MGAT4A: variants seen among roughly 807,000 people sequenced by gnomAD.
MGAT4A encodes the protein N-acetylglucosaminyltransferase IVa.
In MGAT4A, 33 loss-of-function variants were observed where a neutral mutation model predicts 74.1. That is an observed-to-expected ratio of 0.45 (90% CI 0.34 to 0.60). The LOEUF (loss-of-function observed/expected upper bound fraction) is 0.60, where lower values mean the gene tolerates loss of function less well. MGAT4A is among the 20% of genes least tolerant of loss of function. The probability of loss-of-function intolerance (pLI) is 0.02; values close to 1 mark genes in which losing one functional copy is unlikely to be tolerated. For missense variants in MGAT4A, 479 were observed against 628.3 expected (o/e 0.76, Z 2.54); for synonymous variants, 198 against 210.4 (o/e 0.94, Z 0.51).
chr2:98,644,293 C>G (rs921303670), intron 9 of MGAT4A, among the ~76,000 whole-genome samples: 4 of 152,186 alleles, frequency 2.6e-5, no homozygotes, highest in African/African-American at 9.7e-5. Context: ...CTATAATAAT[C>G]TATCGTATAC....
At chr2:98,691,851 T>C (rs1702199204) in intron 2 of MGAT4A, among the ~76,000 whole-genome samples, 3 of 152,172 alleles carry the variant, frequency 2.0e-5, no homozygotes, top group African/African-American at 7.2e-5. Context: ...GGTGGAAGAC[T>C]AGGAAACTGA....
Position 98,641,747 on chromosome 2 carries a change from C to A in MGAT4A, c.1021-1519G>T, listed in dbSNP as rs189673081. Among the ~76,000 whole-genome samples the A allele has an allele frequency of 2.5e-3, 384 of 151,924 alleles. 2 individuals are homozygous for A. Among genetic ancestry groups the A allele is most frequent in the African/African-American group, 8.6e-3 (357 of 41,446 alleles). On this transcript the variant is annotated intron_variant, in intron 10 of 15. Coordinates refer to ENST00000393487, the MANE Select transcript of MGAT4A (RefSeq NM_012214.3). ...TGGTGGCTCACGTCTGTAATCCTAGCACTTTGGGAGGCTGAGGTTGGGGGA... is the reference window on the plus strand; with the variant it reads ...TGGTGGCTCACGTCTGTAATCCTAGAACTTTGGGAGGCTGAGGTTGGGGGA...
intron 4 of MGAT4A, among the ~76,000 whole-genome samples, chr2:98,674,427 T>A (rs2104285362): frequency 6.6e-6 from 1 of 152,224 alleles, no homozygotes; most frequent in South Asian, 2.1e-4. Flanking sequence ...CTCTGTGGAG[T>A]GTACTTTGGT....
At chr2:98,671,521 C>T (rs1701910169) in intron 4 of MGAT4A, among the ~76,000 whole-genome samples, 1 of 151,316 alleles carries the variant, frequency 6.6e-6, no homozygotes. Flanking sequence ...CACTTCCTCA[C>T]TCTACACGTA....
intron 14 of MGAT4A, among the ~76,000 whole-genome samples, chr2:98,631,279 C>T (rs776177006): frequency 1.6e-4 from 24 of 152,342 alleles, no homozygotes; most frequent in Admixed American, 4.6e-4. Context: ...CAGTCTGATC[C>T]CATTTAAATT....
intron 2 of MGAT4A, among the ~76,000 whole-genome samples, chr2:98,716,041 G>A (rs1170198759): frequency 6.6e-6 from 1 of 152,204 alleles, no homozygotes; most frequent in Non-Finnish European, 1.5e-5. Flanking sequence ...AATACAGCCA[G>A]GGTGCGGTGG....
intron 5 of MGAT4A, among the ~76,000 whole-genome samples, chr2:98,658,903 T>G (rs1231832558): frequency 6.6e-6 from 1 of 152,240 alleles, no homozygotes; most frequent in African/African-American, 2.4e-5. Context: ...TATTAATTTT[T>G]CTTTATTTTC....
At position 98,656,446 on chromosome 2, in the gene MGAT4A, A is replaced by AACTGATTTCTTT. The variant is rs1283675569; in HGVS notation, c.592_603dup (p.Lys198_Ser201dup). On this transcript the variant is annotated inframe_insertion, in exon 7 of 16. Transcript: ENST00000393487. ...GGTGATATGACTTCCACCAAGCCAGAACTGATTTCTTTAGAAAATCTATTA... is the reference window on the plus strand; with the variant it reads ...GGTGATATGACTTCCACCAAGCCAGAACTGATTTCTTTACTGATTTCTTTAGAAAATCTATTA... The AACTGATTTCTTT allele has an allele frequency of 6.2e-7, 1 of 1,603,260 alleles. No homozygotes were observed. The highest frequency in any genetic ancestry group is 1.8e-5 in the Admixed American group (1 of 57,136).
intron 2 of MGAT4A, among the ~76,000 whole-genome samples, chr2:98,691,796 G>A (rs1365614394): frequency 6.6e-6 from 1 of 152,214 alleles, no homozygotes; most frequent in African/African-American, 2.4e-5. Context: ...ACAGCTTCAT[G>A]TGTGTTACCG....
At chr2:98,730,744 C>T (rs1702840963) in intron 1 of MGAT4A, among the ~76,000 whole-genome samples, 1 of 149,904 alleles carries the variant, frequency 6.7e-6, no homozygotes, top group African/African-American at 2.4e-5. Flanking sequence ...CGCGCGACCC[C>T]GAGGGGTGCG....
chr2:98,714,311 T>G (rs1702562035), intron 2 of MGAT4A, among the ~76,000 whole-genome samples: 2 of 152,216 alleles, frequency 1.3e-5, no homozygotes, highest in South Asian at 4.1e-4. Flanking sequence ...GGTCTCGAAC[T>G]CCTGACTTCA....
chr2:98,625,060 G>A lies in MGAT4A; in HGVS notation c.*506C>T, dbSNP rs1701124032. The A allele has an allele frequency of 1.0e-6, 1 of 979,282 alleles. No individual in the cohort carries two copies. Among genetic ancestry groups the A allele is most frequent in the Non-Finnish European group, 1.2e-6 (1 of 824,168 alleles). 60.7% of individuals were successfully genotyped at this position (979,282 alleles called of 1,614,324 possible). ...GCAAGGAAACTGGTTTTCAAAAAAA[G>A]TATCGATTCAAAAATCTACTGCACA... On this transcript the variant is annotated 3_prime_UTR_variant, in exon 16 of 16. Transcript: ENST00000393487.
chr2:98,697,015 G>C (rs1702283840), intron 2 of MGAT4A, among the ~76,000 whole-genome samples: 4 of 152,140 alleles, frequency 2.6e-5, no homozygotes, highest in Admixed American at 1.3e-4. Flanking sequence ...TTTTACTATA[G>C]ATCAATTTCA....
At chr2:98,641,218 C>G (rs1013231301) in intron 10 of MGAT4A, among the ~76,000 whole-genome samples, 2 of 152,076 alleles carry the variant, frequency 1.3e-5, no homozygotes, top group Non-Finnish European at 1.5e-5. Flanking sequence ...AAAAACACAT[C>G]TTTGTAAGAA....
rs956945162 is a variant in MGAT4A, at chr2:98,622,412, C to T, written c.*3154G>A. The stretch of plus-strand genomic sequence containing the variant: ...AAAAAATGTTTTTATTTAAACAGCC[C>T]CCATGTGTCTACTGGCTATATGTGT... On this transcript the variant is annotated 3_prime_UTR_variant, in exon 16 of 16. Transcript: ENST00000393487. 8.1e-6 allele frequency: 8 copies of T among 985,406 alleles called. No homozygotes were observed. Among genetic ancestry groups the T allele is most frequent in the Non-Finnish European group, 8.4e-6 (7 of 829,934 alleles). 61.0% of individuals were successfully genotyped at this position (985,406 alleles called of 1,614,324 possible).
intron 5 of MGAT4A, among the ~76,000 whole-genome samples, chr2:98,660,386 A>C (rs945964862): frequency 1.4e-4 from 19 of 135,388 alleles, no homozygotes; most frequent in Admixed American, 2.4e-4. Flanking sequence ...TAAAATTCAT[A>C]TATAACCACA....
chr2:98,681,348 G>A (rs1052524335), intron 2 of MGAT4A, among the ~76,000 whole-genome samples: 3 of 152,074 alleles, frequency 2.0e-5, no homozygotes, highest in African/African-American at 7.2e-5. Flanking sequence ...TTATCTAGAA[G>A]AATTAATGTT....
At chr2:98,727,237 T>C (rs1702777999) in intron 1 of MGAT4A, among the ~76,000 whole-genome samples, 1 of 152,292 alleles carries the variant, frequency 6.6e-6, no homozygotes. Flanking sequence ...ATTTAAGCAT[T>C]TAGAAAATGC....
chr2:98,638,085 C>T (rs1254861667), intron 12 of MGAT4A, among the ~76,000 whole-genome samples: 3 of 152,072 alleles, frequency 2.0e-5, no homozygotes, highest in African/African-American at 7.2e-5. Context: ...TCTATACTTT[C>T]TCAAAAGTCA....
Sources: allele counts gnomAD v4.1 joint callset (sites outside exome capture counted in the v4.1 genomes callset), GRCh38; gene constraint gnomAD v4.1.1; transcripts MANE v1.5; gene names NCBI Gene and HGNC (gene_info 2026-07-23, HGNC 2026-07-21).